PRKACB: variants seen among roughly 807,000 people sequenced by gnomAD.
PRKACB encodes the protein protein kinase cAMP-activated catalytic subunit beta.
PRKACB carries 16 observed loss-of-function variants against 51.4 expected under a neutral mutation model. The ratio of observed to expected loss-of-function variants is 0.31; its 90% CI spans 0.21 to 0.47. The LOEUF (loss-of-function observed/expected upper bound fraction) is 0.47. PRKACB is among the 20% of genes least tolerant of loss of function. The probability of loss-of-function intolerance (pLI) is 1.00; values close to 1 mark genes in which losing one functional copy is unlikely to be tolerated. For missense variants in PRKACB, 309 were observed against 464.5 expected (o/e 0.67, Z 3.08); for synonymous variants, 147 against 154.4 (o/e 0.95, Z 0.35).
At chr1:84,204,136 T>C (rs1219513229) in intron 8 of PRKACB, among the ~76,000 whole-genome samples, 2 of 151,956 alleles carry the variant, frequency 1.3e-5, no homozygotes, top group African/African-American at 4.8e-5. Context: ...TTCAGCACAG[T>C]ATTGTTCCCT....
chr1:84,225,261 C>T (rs536315155), intron 9 of PRKACB, among the ~76,000 whole-genome samples: 1 of 152,316 alleles, frequency 6.6e-6, no homozygotes, highest in South Asian at 2.1e-4. Context: ...TTCCCAGGTC[C>T]ACTGAAGGTG....
intron 4 of PRKACB, 83 bp from the exon 5 acceptor site, chr1:84,185,017 A>T: frequency 1.3e-6 from 1 of 748,864 alleles, no homozygotes; most frequent in Non-Finnish European, 2.0e-6. Flanking sequence ...GAGATTTTAA[A>T]TTTTTCTAAT....
In PRKACB at chr1:84,198,770, A is replaced by T. The variant is rs140696129; in HGVS notation, c.783+946A>T. Among the ~76,000 whole-genome samples, 19 of 150,828 alleles carry T rather than the reference A, an allele frequency of 1.3e-4. No homozygotes were observed. In the East Asian group the frequency reaches 3.1e-3, roughly 25 times the overall value. Reference sequence around the variant, plus strand: ...AACATAAACAAACAACCAAAAAAAAACCTATATGTAATCCCACCAACCTAG... The same window carrying T: ...AACATAAACAAACAACCAAAAAAAATCCTATATGTAATCCCACCAACCTAG... On this transcript the variant is annotated intron_variant, in intron 7 of 9. Coordinates refer to ENST00000370685, the MANE Select transcript of PRKACB (RefSeq NM_182948.4).
At position 84,132,592 on chromosome 1, in the gene PRKACB, A is replaced by T. The variant is rs141258907; in HGVS notation, c.47-46585A>T. ...ATGCGAATTATCAGCTAAGGAATAT[A>T]AAAAAACCATGATTAATATGTTAAG... is the stretch of plus-strand genomic sequence containing the variant. On this transcript the variant is annotated intron_variant, in intron 1 of 8. Coordinates refer to the PRKACB transcript ENST00000370688. Among the ~76,000 whole-genome samples the T allele has an allele frequency of 4.1e-4, 62 of 152,310 alleles. No individual in the cohort carries two copies. The East Asian group carries it at 0.01, about 25-fold the overall frequency.
At chr1:84,109,331 CA>C (rs1011102080) in intron 1 of PRKACB, among the ~76,000 whole-genome samples, 3 of 151,900 alleles carry the variant, frequency 2.0e-5, no homozygotes, top group Non-Finnish European at 2.9e-5. Flanking sequence ...TATGAATTTG[CA>C]CTACTAGCAT....
At chr1:84,113,103 ATATTT>A (rs1650365311) in intron 1 of PRKACB, among the ~76,000 whole-genome samples, 1 of 152,220 alleles carries the variant, frequency 6.6e-6, no homozygotes, top group Non-Finnish European at 1.5e-5. Flanking sequence ...ACATATGAAA[ATATTT>A]TATTTCACTA....
intron 1 of PRKACB, among the ~76,000 whole-genome samples, chr1:84,133,486 A>G (rs777968463): frequency 3.3e-5 from 5 of 152,222 alleles, no homozygotes; most frequent in Non-Finnish European, 5.9e-5. Context: ...ATAAAGTAAC[A>G]GTAGGAACAA....
intron 1 of PRKACB, among the ~76,000 whole-genome samples, chr1:84,171,105 A>G (rs979981682): frequency 2.6e-5 from 4 of 151,610 alleles, no homozygotes; most frequent in African/African-American, 9.7e-5. Flanking sequence ...TAAACATTTT[A>G]AATAACTTAC....
At chr1:84,090,255 A>G (rs757010694) in intron 1 of PRKACB, among the ~76,000 whole-genome samples, 2 of 152,170 alleles carry the variant, frequency 1.3e-5, no homozygotes, top group Non-Finnish European at 2.9e-5. Flanking sequence ...TTACAAGGAA[A>G]ATAAAAGCTA....
At chr1:84,199,792 C>T (rs951112593) in intron 7 of PRKACB, among the ~76,000 whole-genome samples, 7 of 152,062 alleles carry the variant, frequency 4.6e-5, no homozygotes, top group African/African-American at 1.7e-4. Context: ...GTTCACTTTT[C>T]TCTGCAACCT....
chr1:84,201,586 GAA>G (rs1306193591), intron 7 of PRKACB, among the ~76,000 whole-genome samples: 5 of 151,376 alleles, frequency 3.3e-5, no homozygotes, highest in African/African-American at 1.2e-4. Context: ...ACAGTATCAG[GAA>G]AAAAAAGAGA....
chr1:84,172,233 C>T lies in PRKACB; in HGVS notation c.188-6944C>T, dbSNP rs373346759. Among the ~76,000 whole-genome samples the T allele has an allele frequency of 3.8e-3, 583 of 151,584 alleles. 4 individuals are homozygous for T. The highest frequency in any genetic ancestry group is 0.02 in the South Asian group (94 of 4,808). On this transcript the variant is annotated intron_variant, in intron 1 of 9. Coordinates refer to ENST00000370685, the MANE Select transcript of PRKACB (RefSeq NM_182948.4). ...GAATCCATTCTTAACTCCATATTGT[C>T]GGGAAACAAGACAAAATATTTGAAT...
At chr1:84,122,026 T>A (rs1425560837) in intron 1 of PRKACB, among the ~76,000 whole-genome samples, 7 of 152,110 alleles carry the variant, frequency 4.6e-5, no homozygotes, top group African/African-American at 7.2e-5. Context: ...CTAACTCTTA[T>A]AAATCCTAGC....
chr1:84,093,018 C>G (rs960434238), intron 1 of PRKACB, among the ~76,000 whole-genome samples: 3 of 151,478 alleles, frequency 2.0e-5, no homozygotes, highest in Admixed American at 1.3e-4. Context: ...CTACAAATGT[C>G]TTCTTCCGTT....
chr1:84,128,721 G>A (rs1178466237), intron 1 of PRKACB, among the ~76,000 whole-genome samples: 2 of 152,166 alleles, frequency 1.3e-5, no homozygotes, highest in Non-Finnish European at 2.9e-5. Flanking sequence ...ATCTCGTTCA[G>A]CAGAAGAGGA....
At chr1:84,088,716 T>C (rs533596755) in intron 1 of PRKACB, among the ~76,000 whole-genome samples, 2 of 152,276 alleles carry the variant, frequency 1.3e-5, no homozygotes, top group South Asian at 4.1e-4. Context: ...AGGCAAAACA[T>C]TCACTTATTT....
At chr1:84,161,615 A>G (rs942622916) in intron 1 of PRKACB, among the ~76,000 whole-genome samples, 1 of 151,752 alleles carries the variant, frequency 6.6e-6, no homozygotes, top group Non-Finnish European at 1.5e-5. Context: ...TTTAAAAGGC[A>G]TTTTCTTAAT....
intron 1 of PRKACB, among the ~76,000 whole-genome samples, chr1:84,148,069 T>C (rs540917923): frequency 3.9e-5 from 6 of 152,142 alleles, no homozygotes; most frequent in African/African-American, 1.4e-4. Context: ...TGCTGGGCAT[T>C]TAATTAGAAC....
upstream of PRKACB, among the ~76,000 whole-genome samples, chr1:84,144,035 G>A (rs113112773): frequency 2.8e-3 from 425 of 152,124 alleles, 4 homozygotes; most frequent in South Asian, 0.017. Context: ...TCTTTTTAAA[G>A]AATGTTTAGC....
Sources: gnomAD v4.1 joint callset for allele counts (sites outside exome capture counted in the v4.1 genomes callset) on GRCh38, gnomAD v4.1.1 for gene constraint, MANE v1.5 for transcripts, NCBI Gene and HGNC (gene_info 2026-07-23, HGNC 2026-07-21) for gene names.